The following CDC123 variants were observed in gnomAD, a reference collection of about 807,000 sequenced individuals.
CDC123 encodes the protein cell division cycle 123.
CDC123 carries 37 observed loss-of-function variants against 54.4 expected under a neutral mutation model. That is an observed-to-expected ratio of 0.68 (90% CI 0.52 to 0.89). The LOEUF is 0.89. Ranked by LOEUF, CDC123 falls within the 40% of genes least tolerant of loss-of-function variation. CDC123 has a pLI of 0.00. For missense variants in CDC123, 361 were observed against 412.1 expected (o/e 0.88, Z 1.07); for synonymous variants, 144 against 136.8 (o/e 1.05, Z -0.37).
chr10:12,203,322 C>A (rs1316457034), intron 2 of CDC123, among the ~76,000 whole-genome samples: 1 of 152,204 alleles, frequency 6.6e-6, no homozygotes, highest in African/African-American at 2.4e-5. Flanking sequence ...GAATTTAGCA[C>A]ATAGTCTGGG....
intron 7 of CDC123, 73 bp downstream of exon 7, chr10:12,231,069 T>C: frequency 7.4e-7 from 1 of 1,343,678 alleles, no homozygotes; most frequent in Non-Finnish European, 1.0e-6. Context: ...TTAAGTGAAA[T>C]GAAATGAATG....
At chr10:12,218,521 G>A (rs147612068) in intron 6 of CDC123, among the ~76,000 whole-genome samples, 62 of 152,298 alleles carry the variant, frequency 4.1e-4, no homozygotes, top group African/African-American at 1.5e-3. Flanking sequence ...TTACAGGTGT[G>A]AGCCACCACG....
At chr10:12,205,099 TA>T (rs1431921335) in intron 2 of CDC123, among the ~76,000 whole-genome samples, 4 of 151,600 alleles carry the variant, frequency 2.6e-5, no homozygotes. Context: ...CAGCCTTTGC[TA>T]ACCATCTTTC....
chr10:12,246,044 T>G (rs1388399001), intron 10 of CDC123, 105 bp from the exon 11 acceptor site: 1 of 1,269,864 alleles, frequency 7.9e-7, no homozygotes, highest in Non-Finnish European at 1.1e-6. Context: ...CACTGCAGCC[T>G]GGGCAACAGC....
intron 9 of CDC123, 65 bp downstream of exon 9, chr10:12,237,331 A>T (rs1484589337): frequency 7.5e-7 from 1 of 1,330,560 alleles, no homozygotes; most frequent in Non-Finnish European, 9.9e-7. Flanking sequence ...GACCTTATTT[A>T]CTATGGTGTG....
chr10:12,203,527 T>C (rs1241573701), intron 2 of CDC123, among the ~76,000 whole-genome samples: 1 of 152,088 alleles, frequency 6.6e-6, no homozygotes, highest in Non-Finnish European at 1.5e-5. Flanking sequence ...CAGGGTTCGG[T>C]GAGAAAGCAT....
chr10:12,199,751 A>C (rs1309956813), intron 2 of CDC123, among the ~76,000 whole-genome samples: 1 of 152,176 alleles, frequency 6.6e-6, no homozygotes, highest in African/African-American at 2.4e-5. Flanking sequence ...ACTTTGAATA[A>C]TTTGAGGCTG....
At chr10:12,200,120 A>ATTTTTTTT (rs543337462) in intron 2 of CDC123, among the ~76,000 whole-genome samples, 1,319 of 59,302 alleles carry the variant, frequency 0.022, 148 homozygotes, top group African/African-American at 0.041. Context: ...CGCACTCGGC[A>ATTTTTTTT]TTTTTTTTTT....
At chr10:12,241,398 CCCATGGTTTTTGT>C (rs1836055226) in intron 10 of CDC123, among the ~76,000 whole-genome samples, 1 of 151,996 alleles carries the variant, frequency 6.6e-6, no homozygotes, top group Non-Finnish European at 1.5e-5. Context: ...AAAATACTTC[CCCATGGTTTTTGT>C]CCAGTTCTTT....
At chr10:12,228,068 T>C (rs1835851231) in intron 6 of CDC123, among the ~76,000 whole-genome samples, 1 of 152,014 alleles carries the variant, frequency 6.6e-6, no homozygotes, top group South Asian at 2.1e-4. Flanking sequence ...TCTGAGTAGC[T>C]GGGATGACAG....
rs751322040 is a variant in CDC123 at position 12,217,467 on chromosome 10, C to T, written c.440C>T (p.Pro147Leu). The T allele has an allele frequency of 9.9e-6, 16 of 1,612,848 alleles. No homozygotes were observed. In the East Asian group the frequency reaches 1.6e-4, roughly 16 times the overall value. ...TTCATCACTCGTGACTTCACTCAGC[C>T]GTAAGTATCTCTTATTCTCTCATGT... is the stretch of plus-strand genomic sequence containing the variant. Reference protein sequence around the residue: ...SDFITRDFTQPFIHCTDDSPD... With the variant: ...SDFITRDFTQLFIHCTDDSPD... The change falls in exon 6 of 13, where the codon CCG becomes CTG. Residue 147 changes from proline (P) to leucine (L), a missense_variant and splice_region_variant. Transcript: ENST00000281141.
intron 3 of CDC123, 45 bp from the exon 4 acceptor site, chr10:12,210,245 A>G (rs1172951086): frequency 1.2e-6 from 2 of 1,605,288 alleles, no homozygotes; most frequent in Non-Finnish European, 8.5e-7. Context: ...AGCCCAGTGC[A>G]GTATTTAAAT....
chr10:12,247,609 T>A (rs535057342), intron 11 of CDC123: 3 of 152,290 alleles, frequency 2.0e-5, no homozygotes, highest in Admixed American at 2.0e-4. Flanking sequence ...TCCATCCGGA[T>A]TTAGTCATGC....
chr10:12,250,071 G>A (rs1836220488), intron 12 of CDC123: 1 of 479,392 alleles, frequency 2.1e-6, no homozygotes, highest in Non-Finnish European at 3.7e-6. Flanking sequence ...TTATATTTTT[G>A]TGTGGATTTC....
At chr10:12,231,337 G>A (rs891793756) in intron 7 of CDC123, among the ~76,000 whole-genome samples, 2 of 152,000 alleles carry the variant, frequency 1.3e-5, no homozygotes, top group African/African-American at 2.4e-5. Flanking sequence ...TTAATAAGAG[G>A]ATAGGCCGGG....
chr10:12,217,528 A>T, intron 6 of CDC123, 61 bp downstream of exon 6: 1 of 1,529,324 alleles, frequency 6.5e-7, no homozygotes. Flanking sequence ...TTCTCTATAG[A>T]TGAAATTCCA....
intron 9 of CDC123, among the ~76,000 whole-genome samples, chr10:12,238,057 G>C (rs958135855): frequency 6.6e-6 from 1 of 152,120 alleles, no homozygotes. Context: ...ATGCTTCAAG[G>C]CTCATTAGAT....
At chr10:12,198,658 A>C in intron 1 of CDC123, 47 bp from the exon 2 acceptor site, 1 of 969,708 alleles carries the variant, frequency 1.0e-6, no homozygotes, top group Non-Finnish European at 1.6e-6. Context: ...CTCTCTGCTT[A>C]TAGTTGGTCT....
intron 8 of CDC123, among the ~76,000 whole-genome samples, chr10:12,236,447 C>A (rs537462803): frequency 6.6e-6 from 1 of 151,894 alleles, no homozygotes; most frequent in Non-Finnish European, 1.5e-5. Context: ...AAAAATAAAA[C>A]GATGAGCCAG....
Sources: allele counts gnomAD v4.1 joint callset (sites outside exome capture counted in the v4.1 genomes callset), GRCh38; gene constraint gnomAD v4.1.1; transcripts MANE v1.5; gene names NCBI Gene and HGNC (gene_info 2026-07-23, HGNC 2026-07-21).